The following NRG1 variants were observed in gnomAD, a reference collection of about 807,000 sequenced individuals.
NRG1 encodes the protein pro-neuregulin-1, membrane-bound isoform.
A neutral mutation model predicts 63.8 loss-of-function variants in NRG1; 18 were observed. That is an observed-to-expected ratio of 0.28 (90% CI 0.19 to 0.42). NRG1 has a LOEUF of 0.42. Among genes scored for constraint, NRG1 ranks in the 10% least tolerant of loss-of-function variants. NRG1 has a pLI of 1.00. For missense variants in NRG1, 762 were observed against 814.7 expected (o/e 0.94, Z 0.79); for synonymous variants, 302 against 301.3 (o/e 1.00, Z -0.02).
intron 1 of NRG1, among the ~76,000 whole-genome samples, chr8:32,431,241 GTAATA>G (rs1818108942): frequency 2.0e-5 from 3 of 152,242 alleles, no homozygotes; most frequent in South Asian, 4.1e-4. Flanking sequence ...AGTGAACTGT[GTAATA>G]CATAAAGTCA....
intron 5 of NRG1, among the ~76,000 whole-genome samples, chr8:32,694,943 C>T (rs1165540021): frequency 1.3e-5 from 2 of 152,146 alleles, no homozygotes; most frequent in African/African-American, 4.8e-5. Context: ...TCAACTCTGA[C>T]GGGACCTGGC....
chr8:31,806,947 TG>T, intron 1 of NRG1, among the ~76,000 whole-genome samples: 1 of 152,344 alleles, frequency 6.6e-6, no homozygotes, highest in African/African-American at 2.4e-5. Context: ...GTACAAGTGT[TG>T]GCAAAGGTTC....
In NRG1 at chr8:31,735,387, C is replaced by CA. The variant is rs546161662; in HGVS notation, c.37+95964dup. Among the ~76,000 whole-genome samples, 1,563 of 151,522 alleles carry CA rather than the reference C, an allele frequency of 0.01. 45 individuals carry two copies. The South Asian group carries it at 0.12, about 11-fold the overall frequency. On this transcript the variant is annotated intron_variant, in intron 1 of 10. Coordinates refer to the NRG1 transcript ENST00000519301. ...TAAATTAGAGCTTTACCTTTATCAC[C>CA]AAAAAAAACCCCACTGTCTTCCCTT...
intron 1 of NRG1, among the ~76,000 whole-genome samples, chr8:32,456,957 C>A (rs1821671345): frequency 2.0e-5 from 3 of 152,014 alleles, no homozygotes; most frequent in African/African-American, 4.8e-5. Context: ...CATGGTGAAA[C>A]CCCAACTCTA....
At chr8:32,353,379 T>G (rs1320315982) in intron 1 of NRG1, among the ~76,000 whole-genome samples, 1 of 151,608 alleles carries the variant, frequency 6.6e-6, no homozygotes, top group African/African-American at 2.4e-5. Flanking sequence ...ATAATAAAAC[T>G]GTAAATTTAC....
intron 1 of NRG1, among the ~76,000 whole-genome samples, chr8:31,820,423 C>T (rs933200663): frequency 1.2e-4 from 18 of 152,110 alleles, no homozygotes; most frequent in African/African-American, 4.3e-4. Context: ...GCATATGGCT[C>T]CAGAGGAGAC....
At chr8:32,391,126 TTGGGGGGAGGGGGGCTGG>T (rs1811701537) in intron 1 of NRG1, among the ~76,000 whole-genome samples, 1 of 151,772 alleles carries the variant, frequency 6.6e-6, no homozygotes, top group Admixed American at 6.6e-5. Flanking sequence ...GTGTCCTTTT[TTGGGGGGAGGGGGGCTGG>T]TGGCAGGACA....
At chr8:32,207,413 CTTGATA>C (rs1426251603) in intron 1 of NRG1, among the ~76,000 whole-genome samples, 1 of 152,000 alleles carries the variant, frequency 6.6e-6, no homozygotes, top group Non-Finnish European at 1.5e-5. Flanking sequence ...AGTGCCATTG[CTTGATA>C]TATCTTTTGT....
At chr8:31,766,197 A>G (rs747008366) in intron 1 of NRG1, among the ~76,000 whole-genome samples, 1 of 152,072 alleles carries the variant, frequency 6.6e-6, no homozygotes, top group Non-Finnish European at 1.5e-5. Flanking sequence ...TTTTATGGAG[A>G]TTCTGAAACA....
chr8:32,749,600 C>T, intron 7 of NRG1: 1 of 1,613,076 alleles, frequency 6.2e-7, no homozygotes, highest in South Asian at 1.1e-5. Flanking sequence ...GACCAATCAT[C>T]ATTCCTTTTA....
chr8:31,757,678 G>A (rs986037958), intron 1 of NRG1, among the ~76,000 whole-genome samples: 7 of 152,070 alleles, frequency 4.6e-5, no homozygotes, highest in Non-Finnish European at 1.0e-4. Context: ...ACCCTGTAGA[G>A]GGGGAATGCA....
At chr8:32,452,551 G>A (rs767011336) in intron 1 of NRG1, among the ~76,000 whole-genome samples, 63 of 152,314 alleles carry the variant, frequency 4.1e-4, no homozygotes, top group Non-Finnish European at 7.4e-4. Context: ...GTGAGAAATA[G>A]CTAATCCTAG....
intron 1 of NRG1, among the ~76,000 whole-genome samples, chr8:32,131,112 C>G (rs2131628452): frequency 6.6e-6 from 1 of 152,050 alleles, no homozygotes; most frequent in East Asian, 1.9e-4. Flanking sequence ...CCTTAATTTC[C>G]AGATACATTT....
At chr8:32,473,068 C>G (rs566288033) in intron 1 of NRG1, among the ~76,000 whole-genome samples, 6 of 152,238 alleles carry the variant, frequency 3.9e-5, no homozygotes, top group African/African-American at 1.4e-4. Flanking sequence ...AGTTAGAATC[C>G]AGTTTGACCT....
At chr8:32,146,952 T>A (rs543745810) in intron 1 of NRG1, among the ~76,000 whole-genome samples, 1 of 152,102 alleles carries the variant, frequency 6.6e-6, no homozygotes, top group Non-Finnish European at 1.5e-5. Context: ...AGAGAAGAGA[T>A]TGAGATATTA....
Position 32,292,355 on chromosome 8 carries a change from A to AATT in NRG1, c.38-303471_38-303470insTAT, listed in dbSNP as rs1215700767. Among the ~76,000 whole-genome samples the AATT allele has an allele frequency of 2.0e-5, 3 of 152,208 alleles. No homozygotes were observed. In the East Asian group the frequency reaches 5.8e-4, roughly 29 times the overall value. On this transcript the variant is annotated intron_variant, in intron 1 of 10. Coordinates refer to the NRG1 transcript ENST00000519301. ...GCAAATGTCCCATCTGACTGTAATAAATGCCAGTGACTTTAACTCTGTGGT... is the reference window on the plus strand; with the variant it reads ...GCAAATGTCCCATCTGACTGTAATAAATTATGCCAGTGACTTTAACTCTGTGGT...
chr8:32,418,776 C>T (rs1816292289), intron 1 of NRG1, among the ~76,000 whole-genome samples: 1 of 152,076 alleles, frequency 6.6e-6, no homozygotes, highest in African/African-American at 2.4e-5. Flanking sequence ...TTTCGTATTA[C>T]TCTAAGATTG....
At chr8:32,166,391 C>T (rs534456731) in intron 1 of NRG1, among the ~76,000 whole-genome samples, 10 of 152,216 alleles carry the variant, frequency 6.6e-5, no homozygotes, top group East Asian at 1.9e-4. Flanking sequence ...CAGACATATG[C>T]GGAAATTGCC....
chr8:31,775,086 C>T (rs1818991195), intron 1 of NRG1, among the ~76,000 whole-genome samples: 2 of 97,948 alleles, frequency 2.0e-5, no homozygotes, highest in African/African-American at 8.0e-5. Flanking sequence ...AATCCCACCA[C>T]CAGATATCTA....
Sources: allele counts gnomAD v4.1 joint callset (sites outside exome capture counted in the v4.1 genomes callset), GRCh38; gene constraint gnomAD v4.1.1; transcripts MANE v1.5; gene names NCBI Gene and HGNC (gene_info 2026-07-23, HGNC 2026-07-21).